NCOR2: variants seen among roughly 807,000 people sequenced by gnomAD.
The protein encoded by NCOR2 is nuclear receptor corepressor 2.
NCOR2 carries 81 observed loss-of-function variants against 262.9 expected under a neutral mutation model. The observed-to-expected ratio is 0.31, with a 90% CI of 0.26 to 0.37. NCOR2 has a LOEUF of 0.37. Among genes scored for constraint, NCOR2 ranks in the 10% least tolerant of loss-of-function variants. NCOR2 has a pLI of 1.00. For missense variants in NCOR2, 3,385 were observed against 3,621.4 expected, an observed-to-expected ratio of 0.93 and a Z score of 1.68; for synonymous variants, 1,659 against 1,559.3, an observed-to-expected ratio of 1.06 and a Z score of -1.51.
chr12:124,456,102 C>T (rs765925725), intron 6 of NCOR2, among the ~76,000 whole-genome samples: 37 of 152,218 alleles, frequency 2.4e-4, no homozygotes, highest in Non-Finnish European at 5.0e-4. Flanking sequence ...TCTCAAATTC[C>T]TGGCTTCATG....
intron 5 of NCOR2, among the ~76,000 whole-genome samples, chr12:124,460,676 G>A (rs2046117320): frequency 6.6e-6 from 1 of 152,236 alleles, no homozygotes; most frequent in African/African-American, 2.4e-5. Context: ...CTGGGGTGCA[G>A]GGGCTGCCCC....
upstream of NCOR2, among the ~76,000 whole-genome samples, chr12:124,497,192 T>C (rs1174420887): frequency 6.6e-6 from 1 of 152,094 alleles, no homozygotes; most frequent in Non-Finnish European, 1.5e-5. This position sits in a 1 kb window ranked among gnomAD's most constrained non-coding sequence, Gnocchi z 4.2. Flanking sequence ...GGCCACCCCT[T>C]CAACTGGCTG....
intron 20 of NCOR2, among the ~76,000 whole-genome samples, chr12:124,370,308 G>A (rs1038840967): frequency 2.0e-5 from 3 of 152,244 alleles, no homozygotes; most frequent in South Asian, 2.1e-4. Context: ...GGTTCCTGTT[G>A]GCAGTGGTTC....
chr12:124,536,728 T>C (rs746893102), upstream of NCOR2, among the ~76,000 whole-genome samples: 4 of 152,200 alleles, frequency 2.6e-5, no homozygotes, highest in Non-Finnish European at 4.4e-5. Context: ...GAGCAACTAC[T>C]TTGCAAAAAC....
At chr12:124,516,538 G>A (rs1240181229) in intron 1 of NCOR2, among the ~76,000 whole-genome samples, 1 of 152,222 alleles carries the variant, frequency 6.6e-6, no homozygotes, top group African/African-American at 2.4e-5. Flanking sequence ...ATCCAACCTT[G>A]TGGTTACAAT....
chr12:124,552,613 G>A lies in NCOR2; in HGVS notation c.-165+14695C>T, dbSNP rs75087150. Among the ~76,000 whole-genome samples the A allele has an allele frequency of 3.1e-3, 472 of 152,248 alleles. 19 individuals are homozygous for A. In the East Asian group the frequency reaches 0.08, roughly 26 times the overall value. On this transcript the variant is annotated intron_variant, in intron 1 of 32. Transcript: ENST00000458234. Reference sequence around the variant, plus strand: ...ACAGGGAAATCACAGGCTCTGTGGGGGCAGCAAGCATCCTCTGTAACAATG... The same window carrying A: ...ACAGGGAAATCACAGGCTCTGTGGGAGCAGCAAGCATCCTCTGTAACAATG...
At chr12:124,381,076 T>C (rs1659961207) in intron 17 of NCOR2, among the ~76,000 whole-genome samples, 1 of 152,014 alleles carries the variant, frequency 6.6e-6, no homozygotes, top group African/African-American at 2.4e-5. Context: ...TGCTTCAAAC[T>C]CTCCAACACC....
chr12:124,555,457 G>A (rs748333926), intron 1 of NCOR2, among the ~76,000 whole-genome samples: 11 of 152,218 alleles, frequency 7.2e-5, no homozygotes, highest in Non-Finnish European at 1.2e-4. Flanking sequence ...CTGTGACAAC[G>A]TCCGCAGGAT....
intron 27 of NCOR2, among the ~76,000 whole-genome samples, chr12:124,353,882 A>C (rs1396132210): frequency 6.6e-6 from 1 of 152,206 alleles, no homozygotes; most frequent in African/African-American, 2.4e-5. Context: ...ACTACATGGC[A>C]GCTCCCTGAA....
intron 27 of NCOR2, 83 bp downstream of exon 29, chr12:124,354,010 T>A (rs1009071286): frequency 1.6e-6 from 2 of 1,260,690 alleles, no homozygotes; most frequent in Admixed American, 3.9e-5. Flanking sequence ...AGGCTAATGG[T>A]TTGGTGACAA....
intron 7 of NCOR2, 54 bp downstream of exon 9, chr12:124,449,761 C>G: frequency 1.9e-6 from 3 of 1,594,122 alleles, no homozygotes; most frequent in Non-Finnish European, 2.6e-6. Context: ...CTGCTGAGAG[C>G]CTGCTCGCCC....
intron 22 of NCOR2, among the ~76,000 whole-genome samples, chr12:124,358,340 C>G (rs557123334): frequency 6.8e-6 from 1 of 147,282 alleles, no homozygotes; most frequent in Non-Finnish European, 1.5e-5. Context: ...TGTGTGTGTG[C>G]CTGTACACAA....
chr12:124,478,196 G>T (rs2047212885), intron 3 of NCOR2, among the ~76,000 whole-genome samples: 1 of 152,228 alleles, frequency 6.6e-6, no homozygotes, highest in Non-Finnish European at 1.5e-5. Context: ...AAAGATGGCA[G>T]AGCCAAGGGA....
intron 1 of NCOR2, chr12:124,543,020 A>G (rs540208808): frequency 8.4e-6 from 1 of 118,848 alleles, no homozygotes; most frequent in East Asian, 3.0e-4. Context: ...TCCCCACTGG[A>G]CTGCAACAGC....
At position 124,372,627 on chromosome 12, in the gene NCOR2, G is replaced by A; in HGVS notation, c.2219-17C>T. On this transcript the variant is annotated splice_polypyrimidine_tract_variant and intron_variant, in intron 19 of 46. Coordinates refer to ENST00000405201, the Ensembl canonical transcript of NCOR2. ...TGACAGTGGCTGTGCAGGGCGAGAA[G>A]GAAGAGGGGATGAGCAGGGTCTGGC... is the stretch of plus-strand genomic sequence containing the variant. The A allele has an allele frequency of 1.3e-6, 2 of 1,590,180 alleles. No individual in the cohort carries two copies. The highest frequency in any genetic ancestry group is 1.3e-5 in the African/African-American group (1 of 74,678).
chr12:124,566,153 TC>T lies in NCOR2; in HGVS notation c.-165+1154del, dbSNP rs1290620594. Reference sequence around the variant, plus strand: ...TCTTCCCTCCCTCACACATCCTTCCTCCAAATCTGCAAAAAGGGAAAAATAA... The same window carrying T: ...TCTTCCCTCCCTCACACATCCTTCCTCAAATCTGCAAAAAGGGAAAAATAA... On this transcript the variant is annotated intron_variant, in intron 1 of 32. Coordinates refer to the NCOR2 transcript ENST00000458234. This position sits in a 1 kb window ranked among gnomAD's most constrained non-coding sequence, Gnocchi z 4.3. 2.0e-5 allele frequency among the ~76,000 whole-genome samples: 3 copies of T among 149,970 alleles called. No individual in the cohort carries two copies. Among genetic ancestry groups the T allele is most frequent in the African/African-American group, 7.3e-5 (3 of 40,856 alleles).
Position 124,566,746 on chromosome 12 carries a change from C to T in NCOR2, c.-165+562G>A, listed in dbSNP as rs1204499849. ...CGCGGGGGAGGGGGACCAGGGGCGACTCTCCCGAGGGACCCCGCCCAGCGC... is the reference window on the plus strand; with the variant it reads ...CGCGGGGGAGGGGGACCAGGGGCGATTCTCCCGAGGGACCCCGCCCAGCGC... On this transcript the variant is annotated intron_variant, in intron 1 of 32. Transcript: ENST00000458234. The surrounding 1 kb of genome is among the most constrained non-coding windows in gnomAD (Gnocchi z 4.3). 1.3e-5 allele frequency among the ~76,000 whole-genome samples: 2 copies of T among 152,160 alleles called. No homozygotes were observed. The highest frequency in any genetic ancestry group is 2.4e-5 in the African/African-American group (1 of 41,430).
rs571938844 is a variant in NCOR2 at position 124,325,141 on chromosome 12, C to T, written c.*261G>A. 1.4e-3 allele frequency: 433 copies of T among 318,708 alleles called. 2 individuals are homozygous for T. Among genetic ancestry groups the T allele is most frequent in the Non-Finnish European group, 1.7e-3 (306 of 175,264 alleles). The allele number at this position is 318,708 out of a possible 1,614,324, so 19.7% of individuals were successfully genotyped here. A position where few individuals can be genotyped will look rare whatever the true frequency, so the allele number is the denominator to read the frequency against. On this transcript the variant is annotated 3_prime_UTR_variant, in exon 47 of 47. Transcript: ENST00000405201. ...CCACACGCCTGCCGTGCCCCCTCCC[C>T]GGCCCCTTCCCCTCCCTTCCCGAGC... is the stretch of plus-strand genomic sequence containing the variant.
chr12:124,495,445 T>C, upstream of NCOR2: 2 of 1,173,938 alleles, frequency 1.7e-6, no homozygotes, highest in South Asian at 1.7e-5. This position sits in a 1 kb window ranked among gnomAD's most constrained non-coding sequence, Gnocchi z 4.4. Flanking sequence ...CCCCGAGTCG[T>C]TCCTGTGGTC....
Sources: allele counts gnomAD v4.1 joint callset (sites outside exome capture counted in the v4.1 genomes callset), GRCh38; gene constraint gnomAD v4.1.1; non-coding constraint Gnocchi (gnomAD v3.1); transcripts MANE v1.5; gene names NCBI Gene and HGNC (gene_info 2026-07-23, HGNC 2026-07-21).